Variants in WDFY3 observed in about 807,000 individuals in gnomAD.
The protein encoded by WDFY3 is WD repeat and FYVE domain containing 3.
A neutral mutation model predicts 409.6 loss-of-function variants in WDFY3; 66 were observed. That is an observed-to-expected ratio of 0.16 (90% CI 0.13 to 0.20). The LOEUF (loss-of-function observed/expected upper bound fraction) is 0.20, where lower values mean the gene tolerates loss of function less well. WDFY3 is among the 10% of genes least tolerant of loss of function. The pLI is 1.00. For synonymous variants in WDFY3, 1,521 were observed against 1,537.1 expected, an observed-to-expected ratio of 0.99 and a Z score of 0.25; for missense variants, 3,031 against 4,298.1, an observed-to-expected ratio of 0.71 and a Z score of 8.24.
chr4:84,720,175 G>A (rs191442909), intron 47 of WDFY3, among the ~76,000 whole-genome samples: 67 of 152,202 alleles, frequency 4.4e-4, no homozygotes, highest in Admixed American at 1.5e-3. Context: ...TAAGGAGCTC[G>A]ACATCTAGGA....
At chr4:84,947,288 G>A (rs532109472) in intron 1 of WDFY3, among the ~76,000 whole-genome samples, 2 of 146,504 alleles carry the variant, frequency 1.4e-5, no homozygotes, top group East Asian at 2.2e-4. Context: ...CGAGGCGGGC[G>A]GATCACGAGG....
chr4:84,822,444 G>A (rs973209465), intron 10 of WDFY3, among the ~76,000 whole-genome samples: 4 of 152,038 alleles, frequency 2.6e-5, no homozygotes, highest in African/African-American at 9.7e-5. Context: ...AGCTCACACC[G>A]GTAGTCCTAG....
At chr4:84,880,116 GGA>G (rs1369035231) in intron 3 of WDFY3, among the ~76,000 whole-genome samples, 1 of 152,132 alleles carries the variant, frequency 6.6e-6, no homozygotes, top group Non-Finnish European at 1.5e-5. Context: ...GAAGGAGTCA[GGA>G]GAGAGAAGGA....
intron 35 of WDFY3, among the ~76,000 whole-genome samples, chr4:84,753,145 A>G (rs1416613110): frequency 6.6e-6 from 1 of 152,218 alleles, no homozygotes; most frequent in Non-Finnish European, 1.5e-5. Context: ...TTAAAGAACA[A>G]AAGAGTATCT....
rs539311620 is a variant in WDFY3, at chr4:84,938,287, T to C, written c.-225-5924A>G. On this transcript the variant is annotated intron_variant, in intron 1 of 67. Transcript: ENST00000295888. ...TTATAAAACAAGATAATCTAAATAATTGGGGGACAACAACTAGATTTTTGA... is the reference window on the plus strand; with the variant it reads ...TTATAAAACAAGATAATCTAAATAACTGGGGGACAACAACTAGATTTTTGA... 3.0e-3 allele frequency among the ~76,000 whole-genome samples: 462 copies of C among 152,278 alleles called. 1 individual carries two copies. Among genetic ancestry groups the C allele is most frequent in the Middle Eastern group, 6.8e-3 (2 of 294 alleles).
In WDFY3 at chr4:84,921,157, A is replaced by G. The variant is rs185410916; in HGVS notation, c.-132+11113T>C. Among the ~76,000 whole-genome samples the G allele has an allele frequency of 3.3e-5, 5 of 152,326 alleles. No individual in the cohort carries two copies. In the East Asian group the frequency reaches 7.7e-4, roughly 23 times the overall value. On this transcript the variant is annotated intron_variant, in intron 2 of 67. Coordinates refer to ENST00000295888, the MANE Select transcript of WDFY3 (RefSeq NM_014991.6). ...CTGCCCAGAGATTTAAAAAGCTGGT[A>G]TAACATAATTGATATAGTCATAAAA...
Position 84,821,501 on chromosome 4 carries a change from A to G in WDFY3, c.1174T>C (p.Leu392=), listed in dbSNP as rs1754051247. The G allele has an allele frequency of 6.2e-7, 1 of 1,613,692 alleles. No homozygotes were observed. Among genetic ancestry groups the G allele is most frequent in the African/African-American group, 1.3e-5 (1 of 74,920 alleles). ...GCAAGGAAGCTGGTTTTTGCTTTTA[A>G]AAATGCATTCTGAAGAACTGCAAAG... ...QAFAVLQNAF[L]KAKTSFLAQI... Residue 392 remains leucine (L), a synonymous_variant, in exon 11 of 68, where the codon TTA becomes CTA. Transcript: ENST00000295888.
rs181645964 is a variant in WDFY3, at chr4:84,755,099, C to T, written c.5559+167G>A. Reference sequence around the variant, plus strand: ...AGAGTGCACGGTCTTAACAACTACACAGTCTGTTCTTACGTTAGATATAAT... The same window carrying T: ...AGAGTGCACGGTCTTAACAACTACATAGTCTGTTCTTACGTTAGATATAAT... On this transcript the variant is annotated intron_variant, in intron 34 of 67. Transcript: ENST00000295888. 2.5e-3 allele frequency among the ~76,000 whole-genome samples: 388 copies of T among 152,268 alleles called. 2 individuals carry two copies. The highest frequency in any genetic ancestry group is 9.0e-3 in the African/African-American group (372 of 41,560).
intron 2 of WDFY3, among the ~76,000 whole-genome samples, chr4:84,918,828 G>GATATATATAT (rs139610468): frequency 6.9e-6 from 1 of 145,474 alleles, no homozygotes; most frequent in South Asian, 2.1e-4. Context: ...TATATATATA[G>GATATATATAT]ATATATATAT....
At chr4:84,787,353 CT>C in intron 23 of WDFY3, 128 bp downstream of exon 23, 1 of 820,030 alleles carries the variant, frequency 1.2e-6, no homozygotes, top group Non-Finnish European at 1.9e-6. Flanking sequence ...GAGTATCCTG[CT>C]GAAGAAGATT....
intron 12 of WDFY3, among the ~76,000 whole-genome samples, chr4:84,818,814 A>G (rs1753678305): frequency 6.6e-6 from 1 of 152,154 alleles, no homozygotes; most frequent in Non-Finnish European, 1.5e-5. Context: ...ACTGAAAAGA[A>G]TTGTATGAAA....
chr4:84,965,634 C>T (rs1217061590), intron 1 of WDFY3: 1 of 152,284 alleles, frequency 6.6e-6, no homozygotes, highest in South Asian at 2.1e-4. Context: ...AGAACTGGAG[C>T]ATCTCTGGCT....
intron 12 of WDFY3, 27 bp downstream of exon 12, chr4:84,820,058 G>A (rs1299047677): frequency 1.9e-6 from 3 of 1,567,480 alleles, no homozygotes; most frequent in Middle Eastern, 1.7e-4. Flanking sequence ...ATCTCCCAAA[G>A]TATTTGCTTG....
In WDFY3 at chr4:84,736,337, A is replaced by C; in HGVS notation, c.6758-10T>G. 6.4e-7 allele frequency: 1 copy of C among 1,571,294 alleles called. No homozygotes were observed. Among genetic ancestry groups the C allele is most frequent in the Non-Finnish European group, 8.6e-7 (1 of 1,163,932 alleles). On this transcript the variant is annotated splice_polypyrimidine_tract_variant and intron_variant, in intron 41 of 67. Transcript: ENST00000295888. The stretch of plus-strand genomic sequence containing the variant: ...CATTTCTTTTCATGGGCTATTAAAA[A>C]ATCAAATTAGATTATTTTATAATTT...
intron 30 of WDFY3, among the ~76,000 whole-genome samples, chr4:84,772,344 C>T (rs926316536): frequency 1.3e-5 from 2 of 152,016 alleles, no homozygotes; most frequent in African/African-American, 4.8e-5. Context: ...GTCATGGACC[C>T]AGGAACTTAC....
At chr4:84,825,245 T>G (rs540819997) in intron 10 of WDFY3, among the ~76,000 whole-genome samples, 1 of 152,208 alleles carries the variant, frequency 6.6e-6, no homozygotes, top group South Asian at 2.1e-4. Flanking sequence ...AACAATAAAG[T>G]ATAAAATAGG....
intron 6 of WDFY3, among the ~76,000 whole-genome samples, chr4:84,839,719 G>A (rs1216639397): frequency 6.6e-6 from 1 of 151,892 alleles, no homozygotes; most frequent in Non-Finnish European, 1.5e-5. Flanking sequence ...TTAGCTGGGT[G>A]TGGTGGCGCG....
At chr4:84,726,265 A>G (rs941484998) in intron 45 of WDFY3, among the ~76,000 whole-genome samples, 15 of 152,142 alleles carry the variant, frequency 9.9e-5, no homozygotes, top group African/African-American at 3.6e-4. Context: ...TTTTTTCTAA[A>G]TATTTTGATG....
intron 3 of WDFY3, among the ~76,000 whole-genome samples, chr4:84,872,064 G>A (rs111235008): frequency 3.9e-5 from 6 of 152,316 alleles, no homozygotes; most frequent in African/African-American, 1.4e-4. Context: ...GGGAGGAGCT[G>A]GTAATGCTAT....
Sources: gnomAD v4.1 joint callset for allele counts (sites outside exome capture counted in the v4.1 genomes callset) on GRCh38, gnomAD v4.1.1 for gene constraint, MANE v1.5 for transcripts, NCBI Gene and HGNC (gene_info 2026-07-23, HGNC 2026-07-21) for gene names.